DAB2IP: variants seen among roughly 807,000 people sequenced by gnomAD.
The protein encoded by DAB2IP is disabled homolog 2-interacting protein.
In DAB2IP, 28 loss-of-function variants were observed where a neutral mutation model predicts 107.2. The observed-to-expected ratio is 0.26, with a 90% CI of 0.19 to 0.36. The LOEUF (loss-of-function observed/expected upper bound fraction) is 0.36, where lower values mean the gene tolerates loss of function less well. Ranked by LOEUF, DAB2IP falls within the 10% of genes least tolerant of loss-of-function variation. The probability of loss-of-function intolerance (pLI) is 1.00; values close to 1 mark genes in which losing one functional copy is unlikely to be tolerated. For synonymous variants in DAB2IP, 755 were observed against 706.4 expected (o/e 1.07, Z -1.09); for missense variants, 1,400 against 1,644.7 (o/e 0.85, Z 2.57).
intron 1 of DAB2IP, among the ~76,000 whole-genome samples, chr9:121,624,407 C>T (rs1400139739): frequency 6.6e-6 from 1 of 152,236 alleles, no homozygotes; most frequent in Admixed American, 6.5e-5. Context: ...ATGCCACTTA[C>T]AAACCAGCCT....
rs574996770 is a variant in DAB2IP, at chr9:121,731,631, C to T, written c.363-25382C>T. Among the ~76,000 whole-genome samples the T allele has an allele frequency of 7.7e-4, 118 of 152,310 alleles. 1 individual carries two copies. Among genetic ancestry groups the T allele is most frequent in the African/African-American group, 2.7e-3 (114 of 41,566 alleles). ...GTGCTGGGCTTGCCCCAAGAATGGA[C>T]TGCTCTGGCCTCACGGTCATCTCAG... is the stretch of plus-strand genomic sequence containing the variant. On this transcript the variant is annotated intron_variant, in intron 3 of 15. Transcript: ENST00000408936.
intron 2 of DAB2IP, among the ~76,000 whole-genome samples, chr9:121,695,616 T>C (rs1449451406): frequency 6.6e-6 from 1 of 152,150 alleles, no homozygotes; most frequent in Admixed American, 6.5e-5. Flanking sequence ...TCCAGCGCCA[T>C]CTGCAGGAGA....
chr9:121,570,060 T>C (rs143909372), intron 1 of DAB2IP, among the ~76,000 whole-genome samples: 16 of 150,786 alleles, frequency 1.1e-4, no homozygotes, highest in African/African-American at 3.9e-4. Context: ...GTCCCAAGTG[T>C]TGGGATTCTA....
Position 121,699,300 on chromosome 9 carries a change from C to T in DAB2IP, c.229-25C>T, listed in dbSNP as rs564938989. ...CGCCGCGCTAACCCCGCCTCCCCTT[C>T]CCCCTCTTGTCCCCCCGTGCGCAGG... On this transcript the variant is annotated intron_variant, in intron 2 of 15. Transcript: ENST00000408936. The surrounding 1 kb of genome is among the most constrained non-coding windows in gnomAD (Gnocchi z 6.2). 10 of 1,361,782 alleles carry T rather than the reference C, an allele frequency of 7.3e-6. No individual in the cohort carries two copies. The highest frequency in any genetic ancestry group is 5.8e-5 in the South Asian group (4 of 68,694). The allele number at this position is 1,361,782 out of a possible 1,614,324, so 84.4% of individuals were successfully genotyped here. A position where few individuals can be genotyped will look rare whatever the true frequency, so the allele number is the denominator to read the frequency against.
chr9:121,686,104 A>G (rs903504615), intron 2 of DAB2IP, among the ~76,000 whole-genome samples: 3 of 152,194 alleles, frequency 2.0e-5, no homozygotes, highest in Admixed American at 2.0e-4. Flanking sequence ...GGCAGAGACC[A>G]AGACTGGGTG....
At chr9:121,703,683 A>G (rs1006011340) in intron 3 of DAB2IP, among the ~76,000 whole-genome samples, 1 of 152,308 alleles carries the variant, frequency 6.6e-6, no homozygotes, top group East Asian at 1.9e-4. Context: ...CATTTCTTAA[A>G]TGTTTCTAAA....
chr9:121,571,700 G>T (rs1480735902), intron 1 of DAB2IP, among the ~76,000 whole-genome samples: 1 of 152,072 alleles, frequency 6.6e-6, no homozygotes. Context: ...CATGGTGGGG[G>T]ATCCGCAGCC....
At chr9:121,568,718 C>G (rs1829863695) in intron 1 of DAB2IP, among the ~76,000 whole-genome samples, 1 of 152,190 alleles carries the variant, frequency 6.6e-6, no homozygotes, top group East Asian at 1.9e-4. Flanking sequence ...CATTGGATGT[C>G]TGGATGCTCC....
chr9:121,687,837 G>A (rs1399773703), intron 2 of DAB2IP, among the ~76,000 whole-genome samples: 1 of 152,176 alleles, frequency 6.6e-6, no homozygotes, highest in Non-Finnish European at 1.5e-5. Context: ...CACAGCGCCT[G>A]GACCATAGCA....
intron 11 of DAB2IP, among the ~76,000 whole-genome samples, chr9:121,771,847 C>A (rs1385999778): frequency 6.6e-6 from 1 of 151,406 alleles, no homozygotes; most frequent in African/African-American, 2.4e-5. Context: ...CATATCAAGC[C>A]CCCCAAGTCC....
At chr9:121,751,109 C>T (rs963168847) in intron 3 of DAB2IP, 4 of 219,146 alleles carry the variant, frequency 1.8e-5, no homozygotes, top group South Asian at 1.0e-4. Flanking sequence ...GTGGACCTTT[C>T]CCCCTGCCCG....
At chr9:121,685,052 C>T (rs1828795502) in intron 2 of DAB2IP, among the ~76,000 whole-genome samples, 11 of 152,192 alleles carry the variant, frequency 7.2e-5, no homozygotes, top group Admixed American at 7.2e-4. Flanking sequence ...TTGCTTAGTT[C>T]TGCTCTGTGA....
chr9:121,747,583 A>T (rs963324376), intron 3 of DAB2IP, among the ~76,000 whole-genome samples: 1 of 151,964 alleles, frequency 6.6e-6, no homozygotes. Flanking sequence ...TCCTGACCTC[A>T]TGATCCACCT....
At chr9:121,744,905 C>G (rs967547488) in intron 3 of DAB2IP, among the ~76,000 whole-genome samples, 4 of 152,274 alleles carry the variant, frequency 2.6e-5, no homozygotes, top group Non-Finnish European at 4.4e-5. Context: ...AGTGCAACCC[C>G]TTGAGCAGAG....
At chr9:121,745,788 T>C (rs1310795510) in intron 3 of DAB2IP, among the ~76,000 whole-genome samples, 1 of 152,198 alleles carries the variant, frequency 6.6e-6, no homozygotes, top group Non-Finnish European at 1.5e-5. Context: ...GCTCCTTCCC[T>C]TCACATCTTC....
chr9:121,758,904 A>T, exon 5 of DAB2IP: 2 of 1,613,170 alleles, frequency 1.2e-6, no homozygotes, highest in Non-Finnish European at 1.7e-6. Flanking sequence ...ACAGGTGACG[A>T]CGTCATCAGG....
chr9:121,651,568 G>A, upstream of DAB2IP: 1 of 816,796 alleles, frequency 1.2e-6, no homozygotes, highest in South Asian at 5.7e-5. The surrounding 1 kb of genome is among the most constrained non-coding windows in gnomAD (Gnocchi z 5.1). Flanking sequence ...CGGGTCCCCA[G>A]CCCCCGCCGC....
chr9:121,703,402 G>A (rs1386844012), intron 3 of DAB2IP, among the ~76,000 whole-genome samples: 1 of 152,032 alleles, frequency 6.6e-6, no homozygotes, highest in Non-Finnish European at 1.5e-5. Flanking sequence ...CTTTTTTTGG[G>A]GACTAGTCTG....
At chr9:121,763,825 G>A in exon 8 of DAB2IP, 1 of 1,614,082 alleles carries the variant, frequency 6.2e-7, no homozygotes, top group Non-Finnish European at 8.5e-7. Context: ...GAGCACCAGG[G>A]CAACCTCAAG....
Sources: allele counts gnomAD v4.1 joint callset (sites outside exome capture counted in the v4.1 genomes callset), GRCh38; gene constraint gnomAD v4.1.1; non-coding constraint Gnocchi (gnomAD v3.1); transcripts MANE v1.5; gene names NCBI Gene and HGNC (gene_info 2026-07-23, HGNC 2026-07-21).